Variants in HEPHL1 observed in about 807,000 individuals in gnomAD.
HEPHL1 encodes ferroxidase HEPHL1.
HEPHL1 carries 123 observed loss-of-function variants against 122.0 expected under a neutral mutation model. The observed-to-expected ratio is 1.01, with a 90% CI of 0.87 to 1.17. The LOEUF (loss-of-function observed/expected upper bound fraction) is 1.17, where lower values mean the gene tolerates loss of function less well. Ranked by LOEUF, HEPHL1 falls within the 50% of genes most tolerant of loss-of-function variation. HEPHL1 has a pLI of 0.00. For synonymous variants in HEPHL1, 527 were observed against 508.9 expected, an observed-to-expected ratio of 1.04 and a Z score of -0.48; for missense variants, 1,452 against 1,430.5, an observed-to-expected ratio of 1.01 and a Z score of -0.24.
At chr11:94,099,234 C>T (rs1377867699) in intron 13 of HEPHL1, among the ~76,000 whole-genome samples, 1 of 152,230 alleles carries the variant, frequency 6.6e-6, no homozygotes, top group Non-Finnish European at 1.5e-5. Context: ...TTCTAACAGT[C>T]AGGGCCCTCA....
At chr11:94,049,956 T>C (rs938881954) in intron 2 of HEPHL1, among the ~76,000 whole-genome samples, 1 of 152,156 alleles carries the variant, frequency 6.6e-6, no homozygotes, top group Non-Finnish European at 1.5e-5. Flanking sequence ...TAAAAACAAA[T>C]GGCCATCTTA....
intron 17 of HEPHL1, among the ~76,000 whole-genome samples, chr11:94,106,993 A>G (rs1222281321): frequency 6.6e-6 from 1 of 152,184 alleles, no homozygotes; most frequent in African/African-American, 2.4e-5. Context: ...CAGCAGAGCC[A>G]TCTGGGGAAC....
intron 2 of HEPHL1, among the ~76,000 whole-genome samples, chr11:94,052,210 C>A (rs2134419698): frequency 6.6e-6 from 1 of 151,632 alleles, no homozygotes; most frequent in South Asian, 2.1e-4. Flanking sequence ...TTGCTTTGGG[C>A]AGTATGAACA....
chr11:94,025,542 G>A (rs2460054), intron 1 of HEPHL1, among the ~76,000 whole-genome samples: 53,295 of 151,982 alleles, frequency 0.35, 10,189 homozygotes, highest in Admixed American at 0.44. Context: ...TTTCATGGAC[G>A]CTAACTCATG....
At chr11:94,051,402 A>G (rs1322981179) in intron 2 of HEPHL1, among the ~76,000 whole-genome samples, 1 of 152,178 alleles carries the variant, frequency 6.6e-6, no homozygotes, top group Non-Finnish European at 1.5e-5. Flanking sequence ...TCTGATGACC[A>G]ATAATGTTAA....
chr11:94,062,446 T>G (rs1171370097), intron 2 of HEPHL1, among the ~76,000 whole-genome samples: 1 of 152,164 alleles, frequency 6.6e-6, no homozygotes, highest in Non-Finnish European at 1.5e-5. Context: ...TTTTTTAGTT[T>G]TATCTTTGCT....
chr11:94,065,866 G>A (rs550341178), intron 4 of HEPHL1, among the ~76,000 whole-genome samples: 8 of 152,234 alleles, frequency 5.3e-5, no homozygotes, highest in Non-Finnish European at 1.2e-4. Flanking sequence ...AATTACATAA[G>A]CAAACATAGA....
intron 2 of HEPHL1, among the ~76,000 whole-genome samples, chr11:94,060,347 A>G (rs1468017125): frequency 6.6e-6 from 1 of 151,826 alleles, no homozygotes; most frequent in Non-Finnish European, 1.5e-5. Flanking sequence ...GTAAATATAT[A>G]TATGGTGTGT....
At chr11:94,108,408 G>T (rs1946424758) in intron 17 of HEPHL1, among the ~76,000 whole-genome samples, 1 of 152,006 alleles carries the variant, frequency 6.6e-6, no homozygotes, top group Non-Finnish European at 1.5e-5. Context: ...TTTTGATGAA[G>T]TAAAATGAAG....
At chr11:94,098,628 T>C (rs1486767507) in intron 13 of HEPHL1, among the ~76,000 whole-genome samples, 1 of 152,254 alleles carries the variant, frequency 6.6e-6, no homozygotes, top group Non-Finnish European at 1.5e-5. Flanking sequence ...GATTCCATTC[T>C]CCTCGTCACT....
chr11:94,037,280 C>T (rs1489993989), intron 1 of HEPHL1, among the ~76,000 whole-genome samples: 13 of 151,944 alleles, frequency 8.6e-5, no homozygotes, highest in East Asian at 3.9e-4. Flanking sequence ...AAGGCGGCAG[C>T]GAGGCTGGGG....
Position 94,101,236 on chromosome 11 carries a change from A to G in HEPHL1, c.2476A>G (p.Ile826Val), listed in dbSNP as rs1946364928. ...TGAGGTGGGCAACACCGTCCTGATC[A>G]TATTTAAGAACAAAGCCAGTAGGCC... ...HAEVGNTVLI[I>V]FKNKASRPYS... is the part of the protein sequence containing the mutation. The change falls in exon 14 of 20, where the codon ATA (isoleucine) becomes GTA (valine). Residue 826 changes from isoleucine to valine, a missense_variant. By Grantham distance (29) the Ile-to-Val change is conservative (BLOSUM62 3). Transcript: ENST00000315765. 2 of 1,613,926 alleles carry G rather than the reference A, an allele frequency of 1.2e-6. No individual in the cohort carries two copies. The highest frequency in any genetic ancestry group is 1.1e-5 in the South Asian group (1 of 91,090).
At chr11:94,101,680 CACA>C (rs371090408) in intron 14 of HEPHL1, among the ~76,000 whole-genome samples, 29 of 152,268 alleles carry the variant, frequency 1.9e-4, no homozygotes, top group African/African-American at 6.5e-4. Flanking sequence ...TTGACAAATG[CACA>C]ACAACATGTA....
At chr11:94,023,639 C>T (rs1034094519) in intron 1 of HEPHL1, among the ~76,000 whole-genome samples, 2 of 152,122 alleles carry the variant, frequency 1.3e-5, no homozygotes, top group Non-Finnish European at 2.9e-5. Flanking sequence ...ATGCATGGTC[C>T]CATATGATAG....
At chr11:94,090,108 A>G (rs1171608667) in intron 12 of HEPHL1, among the ~76,000 whole-genome samples, 2 of 151,372 alleles carry the variant, frequency 1.3e-5, no homozygotes, top group Non-Finnish European at 2.9e-5. Flanking sequence ...CCTTCTGGAT[A>G]CTTTTTTTTT....
At chr11:94,024,351 C>T (rs1017469094) in intron 1 of HEPHL1, among the ~76,000 whole-genome samples, 2 of 152,130 alleles carry the variant, frequency 1.3e-5, no homozygotes, top group African/African-American at 4.8e-5. Flanking sequence ...AATGTAATCC[C>T]TAGAGTCACT....
At chr11:94,042,874 A>AT (rs1465241930) in intron 1 of HEPHL1, among the ~76,000 whole-genome samples, 3 of 129,732 alleles carry the variant, frequency 2.3e-5, no homozygotes, top group Non-Finnish European at 3.2e-5. Flanking sequence ...TTAAAGTATA[A>AT]TAAAAAAAAA....
At chr11:94,068,951 A>T (rs889883976) in intron 5 of HEPHL1, among the ~76,000 whole-genome samples, 2 of 152,318 alleles carry the variant, frequency 1.3e-5, no homozygotes, top group Non-Finnish European at 2.9e-5. Flanking sequence ...TCCACCTTCC[A>T]CAGTGAGTCA....
chr11:94,074,634 C>T (rs1946105110), intron 8 of HEPHL1, among the ~76,000 whole-genome samples: 1 of 152,108 alleles, frequency 6.6e-6, no homozygotes, highest in South Asian at 2.1e-4. Context: ...GGGTTAAGTG[C>T]ACAGTCTTTG....
Sources: allele counts gnomAD v4.1 joint callset (sites outside exome capture counted in the v4.1 genomes callset), GRCh38; gene constraint gnomAD v4.1.1; transcripts MANE v1.5; gene names NCBI Gene and HGNC (gene_info 2026-07-23, HGNC 2026-07-21).